The following CERS4 variants were observed in gnomAD, a reference collection of about 807,000 sequenced individuals.
The protein encoded by CERS4 is ceramide synthase 4, also known as LAG1 homolog, ceramide synthase 4.
CERS4 carries 65 observed loss-of-function variants against 51.8 expected under a neutral mutation model. That is an observed-to-expected ratio of 1.26 (90% CI 1.03 to 1.54). The LOEUF (loss-of-function observed/expected upper bound fraction) is 1.54. Among genes scored for constraint, CERS4 ranks in the 40% most tolerant of loss-of-function variants. The pLI is 0.00. For synonymous variants in CERS4, 228 were observed against 208.4 expected (o/e 1.09, Z -0.81); for missense variants, 563 against 500.4 (o/e 1.13, Z -1.19).
At chr19:8,240,734 A>G (rs965414787) in intron 2 of CERS4, among the ~76,000 whole-genome samples, 25 of 152,110 alleles carry the variant, frequency 1.6e-4, no homozygotes, top group Admixed American at 1.6e-3. Context: ...CTATGTGCAT[A>G]GCTCTGATCT....
chr19:8,238,173 C>T (rs923060594), intron 2 of CERS4, among the ~76,000 whole-genome samples: 3 of 152,032 alleles, frequency 2.0e-5, no homozygotes, highest in African/African-American at 7.2e-5. Flanking sequence ...ATGCTGGGGG[C>T]CCCTGGAGAT....
chr19:8,262,406 A>C lies in CERS4; in HGVS notation c.*297A>C. ...CCCAGGCTGAAAAGGGTCCAATTAA[A>C]ACAAATGGAGCCAAATTTTCTGCCT... On this transcript the variant is annotated 3_prime_UTR_variant, in exon 12 of 12. Transcript: ENST00000251363. 4 of 326,654 alleles carry C rather than the reference A, an allele frequency of 1.2e-5. No homozygotes were observed. Among genetic ancestry groups the C allele is most frequent in the Non-Finnish European group, 1.7e-5 (3 of 179,976 alleles). The allele number at this position is 326,654 out of a possible 1,614,324, so 20.2% of individuals were successfully genotyped here.
chr19:8,229,883 G>C (rs1360635895), intron 2 of CERS4, among the ~76,000 whole-genome samples: 1 of 151,836 alleles, frequency 6.6e-6, no homozygotes, highest in Non-Finnish European at 1.5e-5. Flanking sequence ...GTTGTTATTT[G>C]CTGTTGTTGT....
At chr19:8,253,135 G>A (rs192483573) in intron 3 of CERS4, among the ~76,000 whole-genome samples, 2 of 152,366 alleles carry the variant, frequency 1.3e-5, no homozygotes, top group East Asian at 1.9e-4. Flanking sequence ...AGGGATGGTG[G>A]ATATAAAATT....
intron 2 of CERS4, among the ~76,000 whole-genome samples, chr19:8,221,015 C>T (rs140286108): frequency 0.034 from 5,180 of 151,508 alleles, 290 homozygotes; most frequent in African/African-American, 0.12. Context: ...TTAGTAGAGA[C>T]GGGGTTTCAC....
At position 8,261,912 on chromosome 19, in the gene CERS4, C is replaced by CCT. The variant is rs759823602; in HGVS notation, c.1006-11_1006-10dup. On this transcript the variant is annotated splice_polypyrimidine_tract_variant and intron_variant, in intron 11 of 11. Coordinates refer to ENST00000251363, the MANE Select transcript of CERS4 (RefSeq NM_024552.3). The stretch of plus-strand genomic sequence containing the variant: ...CTTCCTCCCTGCTCTGAGCTCCATC[C>CCT]CTCTCTCTGTTCCCCAGATGGAGAA... 3 of 1,610,198 alleles carry CCT rather than the reference C, an allele frequency of 1.9e-6. No individual in the cohort carries two copies. The South Asian group carries it at 3.3e-5, about 18-fold the overall frequency.
At chr19:8,248,568 G>A (rs1367272483) in intron 2 of CERS4, among the ~76,000 whole-genome samples, 1 of 151,926 alleles carries the variant, frequency 6.6e-6, no homozygotes, top group African/African-American at 2.4e-5. Context: ...TTAGATGGGT[G>A]GACAGATGGA....
chr19:8,214,130 C>T (rs959758989), intron 2 of CERS4, among the ~76,000 whole-genome samples: 1 of 151,390 alleles, frequency 6.6e-6, no homozygotes, highest in East Asian at 1.9e-4. Flanking sequence ...TCCTGGACTC[C>T]CAGAGACAGA....
intron 2 of CERS4, among the ~76,000 whole-genome samples, chr19:8,224,850 G>C: frequency 6.6e-6 from 1 of 152,160 alleles, no homozygotes; most frequent in African/African-American, 2.4e-5. Flanking sequence ...GTGTGAGATG[G>C]AGTCAGAGAT....
Position 8,256,679 on chromosome 19 carries a change from T to C in CERS4, c.581T>C (p.Leu194Pro), listed in dbSNP as rs1353438831. 1 of 1,613,928 alleles carries C rather than the reference T, an allele frequency of 6.2e-7. No individual in the cohort carries two copies. The change falls in exon 8 of 12, where the codon CTA (leucine) becomes CCA (proline). Residue 194 changes from leucine (L) to proline (P), a missense_variant. Coordinates refer to ENST00000251363, the MANE Select transcript of CERS4 (RefSeq NM_024552.3). ...LLELGFYLSL[L>P]IRLPFDVKRK... ...GAGCTGGGTTTCTACCTCTCACTGC[T>C]AATCAGGCTGCCCTTTGATGTCAAG... is the stretch of plus-strand genomic sequence containing the variant.
In CERS4 at chr19:8,257,058, C is replaced by T; in HGVS notation, c.722C>T (p.Ser241Phe). 1 of 1,606,178 alleles carries T rather than the reference C, an allele frequency of 6.2e-7. No individual in the cohort carries two copies. The change falls in exon 9 of 12, where the codon TCC becomes TTC. Residue 241 changes from serine to phenylalanine, a missense_variant. Ser to Phe is a radical substitution (Grantham distance 155, BLOSUM62 -2). Coordinates refer to ENST00000251363, the MANE Select transcript of CERS4 (RefSeq NM_024552.3). ...IGSLVLLLHDSSDYLLEACKM... is the reference protein window; with the variant it reads ...IGSLVLLLHDFSDYLLEACKM... ...TCTCTGGTGCTGCTGTTACACGATT[C>T]CTCTGACTACCTGCTGGAGGTGGGC...
chr19:8,260,316 T>C (rs968698164), intron 10 of CERS4, among the ~76,000 whole-genome samples: 5 of 151,400 alleles, frequency 3.3e-5, no homozygotes, highest in Non-Finnish European at 7.4e-5. Context: ...TGCCTCAGCC[T>C]CCTGAGTAGC....
At chr19:8,253,089 C>T (rs1969171547) in intron 3 of CERS4, among the ~76,000 whole-genome samples, 2 of 152,264 alleles carry the variant, frequency 1.3e-5, no homozygotes, top group African/African-American at 4.8e-5. Context: ...TGCTAGGCTG[C>T]TCTGAGCCTT....
chr19:8,259,533 T>G (rs1266887198), intron 10 of CERS4, among the ~76,000 whole-genome samples: 1 of 151,786 alleles, frequency 6.6e-6, no homozygotes, highest in Non-Finnish European at 1.5e-5. Context: ...TGGGTGCCCT[T>G]TGGCAGCTGC....
chr19:8,229,407 CTTT>C (rs1967920272), intron 2 of CERS4, among the ~76,000 whole-genome samples: 1 of 11,168 alleles, frequency 9.0e-5, no homozygotes, highest in Non-Finnish European at 2.2e-4. Context: ...TCTTCTTCTT[CTTT>C]CTTCTTTTTT....
At chr19:8,260,604 GTTT>G (rs544510608) in intron 10 of CERS4, among the ~76,000 whole-genome samples, 1 of 151,354 alleles carries the variant, frequency 6.6e-6, no homozygotes, top group South Asian at 2.1e-4. Flanking sequence ...TGAGCTTTTT[GTTT>G]TTTTCTTTCT....
At chr19:8,254,339 A>C (rs1157025128) in intron 3 of CERS4, among the ~76,000 whole-genome samples, 160 bp from the exon 4 acceptor site, 3 of 149,856 alleles carry the variant, frequency 2.0e-5, no homozygotes, top group Non-Finnish European at 4.5e-5. Flanking sequence ...AAAAAAAAAA[A>C]AAAGTCTTAC....
In CERS4 at chr19:8,261,259, C is replaced by A. The variant is rs113664506; in HGVS notation, c.849-429C>A. On this transcript the variant is annotated intron_variant, in intron 10 of 11. Coordinates refer to ENST00000251363, the MANE Select transcript of CERS4 (RefSeq NM_024552.3). ...CCCTCTTAAACTCTGGGAGATGGAG[C>A]CCTGCTCCCTGTGTCTTCCTGGGAG... The A allele has an allele frequency of 2.3e-5, 4 of 173,170 alleles. No homozygotes were observed. In the East Asian group the frequency reaches 6.3e-4, roughly 27 times the overall value. The allele number at this position is 173,170 out of a possible 1,614,324, so 10.7% of individuals were successfully genotyped here. A position where few individuals can be genotyped will look rare whatever the true frequency, so the allele number is the denominator to read the frequency against.
intron 2 of CERS4, among the ~76,000 whole-genome samples, chr19:8,248,990 ATGAT>A (rs1313375423): frequency 1.3e-5 from 2 of 151,406 alleles, no homozygotes; most frequent in African/African-American, 4.9e-5. Flanking sequence ...TAACAGATGA[ATGAT>A]GGGTGGATGG....
Sources: allele counts gnomAD v4.1 joint callset (sites outside exome capture counted in the v4.1 genomes callset), GRCh38; gene constraint gnomAD v4.1.1; transcripts MANE v1.5; gene names NCBI Gene and HGNC (gene_info 2026-07-23, HGNC 2026-07-21).